Variants in PIK3R1 observed in about 807,000 individuals in gnomAD.
The protein encoded by PIK3R1 is phosphoinositide-3-kinase regulatory subunit 1, also known as phosphatidylinositol 3-kinase regulatory subunit alpha.
A neutral mutation model predicts 98.0 loss-of-function variants in PIK3R1; 29 were observed. That is an observed-to-expected ratio of 0.30 (90% CI 0.22 to 0.40). The LOEUF (loss-of-function observed/expected upper bound fraction) is 0.40. Among genes scored for constraint, PIK3R1 ranks in the 10% least tolerant of loss-of-function variants. PIK3R1 has a pLI of 1.00. For missense variants in PIK3R1, 596 were observed against 872.7 expected (o/e 0.68, Z 3.99); for synonymous variants, 282 against 311.8 (o/e 0.90, Z 1.01).
At chr5:68,261,699 T>TA (rs1178677241) in intron 2 of PIK3R1, among the ~76,000 whole-genome samples, 1 of 152,170 alleles carries the variant, frequency 6.6e-6, no homozygotes, top group Non-Finnish European at 1.5e-5. Flanking sequence ...CTAGCCCTTT[T>TA]AAAAAAATTA....
chr5:68,279,569 A>C (rs1286971087), intron 4 of PIK3R1, 33 bp from the exon 5 acceptor site: 1 of 1,588,044 alleles, frequency 6.3e-7, no homozygotes. Flanking sequence ...CTATAAAATA[A>C]ATGTCTGAAA....
At chr5:68,279,460 T>TTTGTATTCG (rs1746726109) in intron 4 of PIK3R1, 142 bp from the exon 5 acceptor site, 1 of 679,882 alleles carries the variant, frequency 1.5e-6, no homozygotes, top group African/African-American at 1.8e-5. Flanking sequence ...TAACGAATAC[T>TTTGTATTCG]TTGTGTCTTG....
chr5:68,250,344 C>T (rs376325371), intron 2 of PIK3R1, among the ~76,000 whole-genome samples: 3 of 152,222 alleles, frequency 2.0e-5, no homozygotes, highest in Non-Finnish European at 4.4e-5. Context: ...CATTGCCACA[C>T]GTCTTCTGCT....
chr5:68,287,858 TG>T (rs35472540), intron 7 of PIK3R1, among the ~76,000 whole-genome samples: 34,174 of 152,086 alleles, frequency 0.22, 3,990 homozygotes, highest in South Asian at 0.26. Context: ...GCATATGGTG[TG>T]GGGTTTAATA....
intron 2 of PIK3R1, chr5:68,239,865 A>G: frequency 2.0e-6 from 1 of 502,556 alleles, no homozygotes; most frequent in Non-Finnish European, 3.9e-6. Flanking sequence ...ACAACTGAAA[A>G]GAATAAAGCA....
chr5:68,240,521 A>G (rs944233464), intron 2 of PIK3R1, among the ~76,000 whole-genome samples: 1 of 152,246 alleles, frequency 6.6e-6, no homozygotes. Context: ...GATTGGAATC[A>G]TCTAACTTTG....
intron 7 of PIK3R1, among the ~76,000 whole-genome samples, chr5:68,283,211 A>G (rs1314367470): frequency 6.6e-6 from 1 of 152,236 alleles, no homozygotes; most frequent in African/African-American, 2.4e-5. Context: ...TGTGAACACA[A>G]ATGAGTACCT....
At chr5:68,276,589 G>A (rs182230881) in intron 4 of PIK3R1, among the ~76,000 whole-genome samples, 24 of 152,268 alleles carry the variant, frequency 1.6e-4, no homozygotes, top group African/African-American at 5.5e-4. Flanking sequence ...AAAAGTCATC[G>A]CATGACAGGT....
intron 2 of PIK3R1, among the ~76,000 whole-genome samples, chr5:68,234,144 T>TG (rs1223147367): frequency 8.5e-5 from 13 of 152,376 alleles, no homozygotes; most frequent in African/African-American, 2.9e-4. Flanking sequence ...CACATTGCTT[T>TG]GCTTTCTATA....
chr5:68,224,720 G>T (rs115293247), intron 1 of PIK3R1, among the ~76,000 whole-genome samples: 1 of 152,164 alleles, frequency 6.6e-6, no homozygotes, highest in African/African-American at 2.4e-5. Context: ...TTGCTTTATT[G>T]TGCAGCCAGC....
intron 2 of PIK3R1, among the ~76,000 whole-genome samples, chr5:68,267,623 G>A (rs1561282101): frequency 6.6e-6 from 1 of 151,668 alleles, no homozygotes; most frequent in Non-Finnish European, 1.5e-5. Context: ...ATTTTCAGTT[G>A]CGCATACTTT....
At chr5:68,224,209 G>C (rs1318105968) in intron 1 of PIK3R1, among the ~76,000 whole-genome samples, 1 of 152,158 alleles carries the variant, frequency 6.6e-6, no homozygotes, top group Non-Finnish European at 1.5e-5. Flanking sequence ...TGTCTCTTTT[G>C]TACAGAGTAC....
intron 2 of PIK3R1, among the ~76,000 whole-genome samples, chr5:68,236,970 G>A (rs1377510473): frequency 6.6e-6 from 1 of 152,222 alleles, no homozygotes; most frequent in East Asian, 1.9e-4. Context: ...AATACACCAT[G>A]ATCAGATAAC....
chr5:68,254,890 C>T (rs1478393446), intron 2 of PIK3R1, among the ~76,000 whole-genome samples: 1 of 149,682 alleles, frequency 6.7e-6, no homozygotes, highest in Non-Finnish European at 1.5e-5. Context: ...ATCAAGGTTT[C>T]TTAAGGTTCC....
rs1746156775 is a variant in PIK3R1, at chr5:68,267,182, C to T, written c.335-6208C>T. 2.0e-5 allele frequency among the ~76,000 whole-genome samples: 3 copies of T among 152,140 alleles called. No individual in the cohort carries two copies. The South Asian group carries it at 6.2e-4, about 32-fold the overall frequency. The stretch of plus-strand genomic sequence containing the variant: ...TAAATTGTAATCTTAGAATCAAACT[C>T]CAATTTAGGTGATAAGGATCACAAT... On this transcript the variant is annotated intron_variant, in intron 2 of 15. Coordinates refer to ENST00000521381, the MANE Select transcript of PIK3R1 (RefSeq NM_181523.3).
chr5:68,288,293 T>G, intron 7 of PIK3R1: 2 of 465,502 alleles, frequency 4.3e-6, no homozygotes, highest in Non-Finnish European at 2.9e-6. Context: ...AACTTTGACT[T>G]GGGCTCCCCT....
chr5:68,275,384 G>GA (rs1303150959), intron 4 of PIK3R1, among the ~76,000 whole-genome samples: 1 of 152,156 alleles, frequency 6.6e-6, no homozygotes, highest in Non-Finnish European at 1.5e-5. Context: ...GTTTGGGTCA[G>GA]AAAATTGGTC....
At chr5:68,231,080 G>T (rs1181322567) in intron 2 of PIK3R1, among the ~76,000 whole-genome samples, 2 of 152,164 alleles carry the variant, frequency 1.3e-5, no homozygotes, top group African/African-American at 4.8e-5. Context: ...TTGAAAATGG[G>T]GATATAGGGA....
chr5:68,219,052 G>C (rs975928323), intron 1 of PIK3R1, among the ~76,000 whole-genome samples: 1 of 151,996 alleles, frequency 6.6e-6, no homozygotes, highest in Non-Finnish European at 1.5e-5. Context: ...GGCAATTAAC[G>C]ACCATTTCAT....
Sources: gnomAD v4.1 joint callset for allele counts (sites outside exome capture counted in the v4.1 genomes callset) on GRCh38, gnomAD v4.1.1 for gene constraint, MANE v1.5 for transcripts, NCBI Gene and HGNC (gene_info 2026-07-23, HGNC 2026-07-21) for gene names.